Variants in ACER2 observed in about 807,000 individuals in gnomAD.
ACER2 encodes alkaline ceramidase 2, also known as alkCDase 2.
In ACER2, 26 loss-of-function variants were observed where a neutral mutation model predicts 34.7. That is an observed-to-expected ratio of 0.75 (90% confidence interval 0.55 to 1.04). The LOEUF is 1.04. Among genes scored for constraint, ACER2 ranks in the 50% least tolerant of loss-of-function variants. The pLI, the probability that ACER2 is intolerant of heterozygous loss-of-function variation, is 0.00. For synonymous variants in ACER2, 138 were observed against 132.1 expected (o/e 1.04, Z -0.31); for missense variants, 352 against 340.8 (o/e 1.03, Z -0.26).
intron 3 of ACER2, among the ~76,000 whole-genome samples, chr9:19,427,758 C>T (rs1038709889): frequency 6.6e-6 from 1 of 151,934 alleles, no homozygotes; most frequent in Non-Finnish European, 1.5e-5. Context: ...GCTCCACTTC[C>T]TATGTTCACG....
intron 1 of ACER2, among the ~76,000 whole-genome samples, chr9:19,422,472 A>C (rs1830436496): frequency 6.6e-6 from 1 of 152,250 alleles, no homozygotes; most frequent in Non-Finnish European, 1.5e-5. Flanking sequence ...AAAATCTGCA[A>C]GATAAAATAA....
intron 4 of ACER2, among the ~76,000 whole-genome samples, chr9:19,440,306 G>A (rs1182868895): frequency 6.6e-6 from 1 of 151,960 alleles, no homozygotes; most frequent in African/African-American, 2.4e-5. Context: ...ATCCCTTAAG[G>A]TGCACCCTCA....
At chr9:19,436,086 T>C (rs1459596819) in intron 4 of ACER2, among the ~76,000 whole-genome samples, 3 of 151,528 alleles carry the variant, frequency 2.0e-5, no homozygotes, top group Non-Finnish European at 4.4e-5. Flanking sequence ...AGCCCTTCTT[T>C]TTTTTTTTTT....
At chr9:19,447,348 A>C (rs904736215) in intron 5 of ACER2, among the ~76,000 whole-genome samples, 2 of 152,212 alleles carry the variant, frequency 1.3e-5, no homozygotes, top group African/African-American at 4.8e-5. Flanking sequence ...AATTCACTTA[A>C]GTTCCCTTGC....
chr9:19,434,411 C>A (rs1362577182), intron 3 of ACER2, among the ~76,000 whole-genome samples: 3 of 152,226 alleles, frequency 2.0e-5, no homozygotes, highest in Non-Finnish European at 4.4e-5. Flanking sequence ...CTTTGGGAGG[C>A]CAAGGCAGGC....
At chr9:19,421,389 T>A (rs1227463750) in intron 1 of ACER2, among the ~76,000 whole-genome samples, 3 of 152,220 alleles carry the variant, frequency 2.0e-5, no homozygotes, top group Non-Finnish European at 4.4e-5. Context: ...ATCCTTTCAA[T>A]GGAATGTTAT....
chr9:19,446,201 G>A lies in ACER2; in HGVS notation c.504-80G>A, dbSNP rs574158848. ...GGTTGTAGGCATGAGAGGAACCAGCGAAGGAGACACAGGAAAGGTGGCCAG... is the reference window on the plus strand; with the variant it reads ...GGTTGTAGGCATGAGAGGAACCAGCAAAGGAGACACAGGAAAGGTGGCCAG... On this transcript the variant is annotated intron_variant, in intron 4 of 5. Transcript: ENST00000340967. 36 of 1,604,666 alleles carry A rather than the reference G, an allele frequency of 2.2e-5. 1 individual carries two copies. Among genetic ancestry groups the A allele is most frequent in the Middle Eastern group, 3.3e-4 (2 of 6,042 alleles).
intron 4 of ACER2, among the ~76,000 whole-genome samples, chr9:19,439,570 C>T (rs1831080233): frequency 6.6e-6 from 1 of 152,194 alleles, no homozygotes; most frequent in Non-Finnish European, 1.5e-5. Context: ...CCTGTAAACA[C>T]ATCTGAGTCT....
chr9:19,427,178 G>A (rs1308442827), intron 3 of ACER2, among the ~76,000 whole-genome samples: 1 of 152,170 alleles, frequency 6.6e-6, no homozygotes, highest in Non-Finnish European at 1.5e-5. Context: ...AGACGATCCT[G>A]TAGGGCACTT....
chr9:19,423,032 CAA>C (rs764823366), intron 1 of ACER2, among the ~76,000 whole-genome samples: 15 of 68,930 alleles, frequency 2.2e-4, no homozygotes, highest in Admixed American at 3.4e-4. Context: ...AACTCTGTCT[CAA>C]AAAAAAAAAA....
rs1421367386 is a variant in ACER2 at position 19,451,986 on chromosome 9, G to C, written c.*1350G>C. 6.6e-6 allele frequency: 1 copy of C among 152,510 alleles called. No individual in the cohort carries two copies. Among genetic ancestry groups the C allele is most frequent in the Non-Finnish European group, 1.5e-5 (1 of 68,026 alleles). 9.4% of individuals were successfully genotyped at this position (152,510 alleles called of 1,614,324 possible). A position where few individuals can be genotyped will look rare whatever the true frequency, so the allele number is the denominator to read the frequency against. On this transcript the variant is annotated 3_prime_UTR_variant, in exon 6 of 6. Coordinates refer to ENST00000340967, the MANE Select transcript of ACER2 (RefSeq NM_001010887.3). ...GGCAGTAGCTATGCACTCACGGGCT[G>C]GTTTGGGTCGCTGGTGCAGCAGCGC...
intron 3 of ACER2, among the ~76,000 whole-genome samples, chr9:19,430,057 A>G (rs1467025071): frequency 6.6e-6 from 1 of 152,110 alleles, no homozygotes; most frequent in Non-Finnish European, 1.5e-5. Flanking sequence ...CATTTCAGAA[A>G]TGAAATGAAA....
chr9:19,434,780 C>T (rs185941167), intron 3 of ACER2, among the ~76,000 whole-genome samples, 167 bp from the exon 4 acceptor site: 14 of 151,626 alleles, frequency 9.2e-5, no homozygotes, highest in African/African-American at 2.4e-4. Context: ...TTTTTTAAGA[C>T]GAAGTCTCGC....
rs900983915 is a variant in ACER2, at chr9:19,423,935, A to G, written c.182A>G (p.Asn61Ser). The G allele has an allele frequency of 3.7e-6, 6 of 1,614,110 alleles. No individual in the cohort carries two copies. Among genetic ancestry groups the G allele is most frequent in the Non-Finnish European group, 5.1e-6 (6 of 1,179,974 alleles). Residue 61 changes from asparagine to serine, a missense_variant, in exon 2 of 6, where the codon AAC becomes AGC. Physicochemically the swap from Asn to Ser is conservative, Grantham distance 46 (BLOSUM62 1). Coordinates refer to ENST00000340967, the MANE Select transcript of ACER2 (RefSeq NM_001010887.3). ...CLFRQYATCF[N>S]SGIYLIWTLL... ...TTTCGTCAGTATGCAACATGCTTCA[A>G]CAGTGGCATCTACTTAATCTGGACT...
chr9:19,444,072 G>A (rs894461100), intron 4 of ACER2, among the ~76,000 whole-genome samples: 7 of 149,036 alleles, frequency 4.7e-5, no homozygotes, highest in African/African-American at 1.5e-4. Flanking sequence ...AGGGGTGTCC[G>A]CTCTTTTGGT....
chr9:19,441,690 T>A (rs539087311), intron 4 of ACER2, among the ~76,000 whole-genome samples: 1 of 152,302 alleles, frequency 6.6e-6, no homozygotes, highest in East Asian at 1.9e-4. Context: ...TTGTTTTGTT[T>A]GTTGTCTGTC....
chr9:19,418,432 G>A (rs1482684557), intron 1 of ACER2, among the ~76,000 whole-genome samples: 1 of 152,162 alleles, frequency 6.6e-6, no homozygotes, highest in African/African-American at 2.4e-5. Flanking sequence ...CAATAGCAAA[G>A]ACTTGGAACC....
At chr9:19,423,447 T>C (rs1830467437) in intron 1 of ACER2, among the ~76,000 whole-genome samples, 3 of 152,156 alleles carry the variant, frequency 2.0e-5, no homozygotes, top group Non-Finnish European at 2.9e-5. Context: ...ATGCCTGCAA[T>C]CCCAGCACGT....
At chr9:19,434,057 G>A (rs570379457) in intron 3 of ACER2, among the ~76,000 whole-genome samples, 13 of 147,510 alleles carry the variant, frequency 8.8e-5, no homozygotes, top group Non-Finnish European at 1.5e-4. Flanking sequence ...CTTCTCAGAC[G>A]GGGCGGCCGG....
Sources: allele counts gnomAD v4.1 joint callset (sites outside exome capture counted in the v4.1 genomes callset), GRCh38; gene constraint gnomAD v4.1.1; transcripts MANE v1.5; gene names NCBI Gene and HGNC (gene_info 2026-07-23, HGNC 2026-07-21).